The following LPAR1 variants were observed in gnomAD, a reference collection of about 807,000 sequenced individuals.
LPAR1 encodes the protein lysophosphatidic acid receptor 1, also known as LPA receptor 1.
A neutral mutation model predicts 23.8 loss-of-function variants in LPAR1; 5 were observed. That is an observed-to-expected ratio of 0.21 (90% CI 0.11 to 0.44). LPAR1 has a LOEUF of 0.44. LPAR1 is among the 20% of genes least tolerant of loss of function. The pLI is 0.99. For missense variants in LPAR1, 311 were observed against 482.8 expected, an observed-to-expected ratio of 0.64 and a Z score of 3.33; for synonymous variants, 160 against 164.7, an observed-to-expected ratio of 0.97 and a Z score of 0.22.
chr9:110,921,353 T>C lies in LPAR1; in HGVS notation c.793+20068A>G, dbSNP rs181497434. 1.6e-3 allele frequency among the ~76,000 whole-genome samples: 241 copies of C among 152,314 alleles called. 2 individuals carry two copies. In the Middle Eastern group the frequency reaches 0.048, roughly 30 times the overall value. ...CCTCTCATGAACTGACAAACTAAAC[T>C]TTAAGAGCCAGTAGTTTATTACTCT... On this transcript the variant is annotated intron_variant, in intron 5 of 5. Coordinates refer to ENST00000683809, the MANE Select transcript of LPAR1 (RefSeq NM_001351411.2).
rs771616724 is a variant in LPAR1 at position 110,875,646 on chromosome 9, C to T, written c.870G>A (p.Leu290=). The T allele has an allele frequency of 3.7e-6, 6 of 1,613,874 alleles. No individual in the cohort carries two copies. Among genetic ancestry groups the T allele is most frequent in the Non-Finnish European group, 4.2e-6 (5 of 1,179,976 alleles). The change falls in exon 6 of 6, where the codon CTG becomes CTA. Residue 290 remains leucine, a synonymous_variant. Transcript: ENST00000683809. The part of the protein sequence containing the change: ...LDVCCPQCDV[L]AYEKFFLLLA... ...GGAGAAGGAAGAATTTCTCATAGGC[C>T]AGCACGTCGCACTGTGGACAGCACA...
At chr9:110,897,378 G>A (rs560983626) in intron 5 of LPAR1, among the ~76,000 whole-genome samples, 5 of 152,094 alleles carry the variant, frequency 3.3e-5, no homozygotes, top group Non-Finnish European at 7.3e-5. Context: ...CTTCCTCCAC[G>A]ATTGTGTGGC....
intron 1 of LPAR1, among the ~76,000 whole-genome samples, chr9:111,036,613 C>A (rs1000174195): frequency 8.5e-5 from 13 of 152,096 alleles, no homozygotes; most frequent in African/African-American, 3.1e-4. Context: ...GATGGGGAGA[C>A]GGAGACCAGG....
chr9:110,908,194 A>G (rs896533802), intron 5 of LPAR1, among the ~76,000 whole-genome samples: 8 of 151,458 alleles, frequency 5.3e-5, no homozygotes, highest in African/African-American at 1.9e-4. Context: ...TTAATTTTAA[A>G]TATCTAAATG....
chr9:110,945,061 T>G (rs948304316), intron 4 of LPAR1, among the ~76,000 whole-genome samples: 8 of 152,182 alleles, frequency 5.3e-5, no homozygotes, highest in Non-Finnish European at 1.0e-4. Flanking sequence ...TCAGTTAGTT[T>G]TATGACAATA....
intron 4 of LPAR1, among the ~76,000 whole-genome samples, chr9:110,958,965 G>A (rs1000404830): frequency 2.0e-5 from 3 of 150,160 alleles, no homozygotes; most frequent in Non-Finnish European, 3.0e-5. Flanking sequence ...GAAAAAAAAC[G>A]CTTAACTTTC....
chr9:110,975,215 T>G (rs2096529931), intron 2 of LPAR1, among the ~76,000 whole-genome samples: 1 of 152,176 alleles, frequency 6.6e-6, no homozygotes, highest in African/African-American at 2.4e-5. Flanking sequence ...TATAGAGAGT[T>G]GCCTAAAAGG....
intron 5 of LPAR1, among the ~76,000 whole-genome samples, chr9:110,898,190 T>C (rs1008923797): frequency 3.9e-5 from 6 of 152,212 alleles, no homozygotes; most frequent in Non-Finnish European, 7.3e-5. Flanking sequence ...TTCCAAGCAA[T>C]ACAAACCAAT....
At chr9:111,038,534 A>C (rs1291039070), upstream of LPAR1, 1 of 445,418 alleles carries the variant, frequency 2.2e-6, no homozygotes, top group African/African-American at 2.0e-5. The surrounding 1 kb of genome is among the most constrained non-coding windows in gnomAD (Gnocchi z 4.4). Flanking sequence ...AGCAGCGCCG[A>C]CGCCAGCCTC....
intron 2 of LPAR1, among the ~76,000 whole-genome samples, chr9:111,020,654 C>G (rs2110548): frequency 0.52 from 79,657 of 151,894 alleles, 21,075 homozygotes; most frequent in East Asian, 0.65. Context: ...AGCCCCTTCA[C>G]ACCCAACCTG....
At chr9:110,971,941 T>C in intron 4 of LPAR1, 132 bp downstream of exon 4, 3 of 781,236 alleles carry the variant, frequency 3.8e-6, no homozygotes, top group Admixed American at 2.1e-5. Context: ...AGCACCATTA[T>C]TCGAATACAC....
chr9:110,890,156 A>G (rs1352467145), intron 5 of LPAR1, among the ~76,000 whole-genome samples: 1 of 152,224 alleles, frequency 6.6e-6, no homozygotes, highest in Non-Finnish European at 1.5e-5. Context: ...AAGAAGTTAC[A>G]TGAAATTATT....
chr9:110,955,446 A>T (rs1311472478), intron 4 of LPAR1, among the ~76,000 whole-genome samples: 4 of 152,324 alleles, frequency 2.6e-5, no homozygotes. Flanking sequence ...ATTAGACCTA[A>T]AGGAAGAGAC....
At chr9:110,937,273 T>G (rs1287411865) in intron 5 of LPAR1, among the ~76,000 whole-genome samples, 1 of 152,228 alleles carries the variant, frequency 6.6e-6, no homozygotes, top group Non-Finnish European at 1.5e-5. Context: ...TTCAATTTAA[T>G]AGCACACACT....
intron 5 of LPAR1, among the ~76,000 whole-genome samples, chr9:110,882,403 A>C (rs868642619): frequency 6.6e-6 from 1 of 152,226 alleles, no homozygotes; most frequent in East Asian, 1.9e-4. Context: ...AAAATTAATA[A>C]GTAGAAATGT....
intron 2 of LPAR1, among the ~76,000 whole-genome samples, chr9:111,030,091 G>GT (rs980673232): frequency 2.0e-5 from 3 of 150,116 alleles, no homozygotes; most frequent in African/African-American, 4.9e-5. Context: ...TCAGCCAAAC[G>GT]TAAGGACACA....
At chr9:110,885,882 A>G (rs902205553) in intron 5 of LPAR1, among the ~76,000 whole-genome samples, 1 of 151,754 alleles carries the variant, frequency 6.6e-6, no homozygotes, top group Admixed American at 6.6e-5. Flanking sequence ...GACCAATATG[A>G]TAAAACCCCA....
chr9:111,037,247 A>G (rs1185575758), intron 1 of LPAR1, among the ~76,000 whole-genome samples: 2 of 152,210 alleles, frequency 1.3e-5, no homozygotes, highest in South Asian at 2.1e-4. Flanking sequence ...ATGTTTACCA[A>G]TATCTATCTA....
intron 5 of LPAR1, among the ~76,000 whole-genome samples, chr9:110,902,875 T>C (rs2089791848): frequency 6.6e-6 from 1 of 152,140 alleles, no homozygotes; most frequent in South Asian, 2.1e-4. Flanking sequence ...ACTGAAGAGC[T>C]CCACCCCTTC....
Sources: allele counts gnomAD v4.1 joint callset (sites outside exome capture counted in the v4.1 genomes callset), GRCh38; gene constraint gnomAD v4.1.1; non-coding constraint Gnocchi (gnomAD v3.1); transcripts MANE v1.5; gene names NCBI Gene and HGNC (gene_info 2026-07-23, HGNC 2026-07-21).